The following BTBD9 variants were observed in gnomAD, a reference collection of about 807,000 sequenced individuals.
BTBD9 encodes BTB domain containing 9, also known as BTB/POZ domain-containing protein 9.
BTBD9 carries 49 observed loss-of-function variants against 64.3 expected under a neutral mutation model. That is an observed-to-expected ratio of 0.76 (90% CI 0.61 to 0.97). BTBD9 has a LOEUF of 0.97. Ranked by LOEUF, BTBD9 falls within the 50% of genes least tolerant of loss-of-function variation. BTBD9 has a pLI of 0.00. For synonymous variants in BTBD9, 260 were observed against 274.7 expected (o/e 0.95, Z 0.53); for missense variants, 598 against 762.1 (o/e 0.78, Z 2.53).
chr6:38,197,656 C>T (rs1017692036), intron 9 of BTBD9, among the ~76,000 whole-genome samples: 4 of 152,190 alleles, frequency 2.6e-5, no homozygotes, highest in East Asian at 1.9e-4. Flanking sequence ...AAGAGCATGG[C>T]ATGTGGTGAA....
chr6:38,334,361 A>C (rs900207169), intron 7 of BTBD9, among the ~76,000 whole-genome samples: 3 of 152,200 alleles, frequency 2.0e-5, no homozygotes. Context: ...CAGAAGTTCG[A>C]GACAGGCCTG....
At chr6:38,581,827 T>C (rs1776295614) in intron 4 of BTBD9, among the ~76,000 whole-genome samples, 1 of 152,196 alleles carries the variant, frequency 6.6e-6, no homozygotes, top group Non-Finnish European at 1.5e-5. Context: ...GTAAAGCATA[T>C]TATGAGCTCT....
intron 6 of BTBD9, among the ~76,000 whole-genome samples, chr6:38,574,297 T>C (rs1215913774): frequency 2.6e-5 from 4 of 152,194 alleles, no homozygotes; most frequent in Non-Finnish European, 5.9e-5. Context: ...ACAAGATAGA[T>C]GAGTGGCAAA....
intron 6 of BTBD9, among the ~76,000 whole-genome samples, chr6:38,423,082 T>C (rs577661102): frequency 6.6e-6 from 1 of 152,054 alleles, no homozygotes; most frequent in African/African-American, 2.4e-5. Flanking sequence ...ATGGCCAACA[T>C]GGTAAAACCT....
At chr6:38,298,514 T>A (rs904818545) in intron 7 of BTBD9, among the ~76,000 whole-genome samples, 4 of 152,148 alleles carry the variant, frequency 2.6e-5, no homozygotes, top group Admixed American at 6.5e-5. Context: ...ACATCTCATG[T>A]CCTCTCTTTA....
At chr6:38,191,045 T>C (rs1762055048) in intron 10 of BTBD9, among the ~76,000 whole-genome samples, 1 of 152,260 alleles carries the variant, frequency 6.6e-6, no homozygotes, top group Non-Finnish European at 1.5e-5. Flanking sequence ...TGTTACTATG[T>C]AAAAATTTCA....
At chr6:38,638,943 G>T (rs537546981) in intron 1 of BTBD9, among the ~76,000 whole-genome samples, 2 of 152,154 alleles carry the variant, frequency 1.3e-5, no homozygotes, top group Non-Finnish European at 2.9e-5. Flanking sequence ...ACCTTTACAT[G>T]CTGGGTTCTC....
At chr6:38,453,094 C>T (rs1399972140) in intron 6 of BTBD9, among the ~76,000 whole-genome samples, 4 of 152,080 alleles carry the variant, frequency 2.6e-5, no homozygotes, top group African/African-American at 9.7e-5. Flanking sequence ...CATAAGAAGA[C>T]CACAGACAAT....
intron 8 of BTBD9, among the ~76,000 whole-genome samples, chr6:38,257,488 T>G (rs186188614): frequency 6.6e-6 from 1 of 152,270 alleles, no homozygotes; most frequent in African/African-American, 2.4e-5. Flanking sequence ...TGAGCCGCTG[T>G]GCTGGTCTAA....
At chr6:38,417,800 G>A (rs60737447) in intron 6 of BTBD9, among the ~76,000 whole-genome samples, 29,598 of 142,438 alleles carry the variant, frequency 0.21, 3,321 homozygotes, top group Non-Finnish European at 0.23. Flanking sequence ...GAGAGAGAGA[G>A]AAAAAAAATA....
intron 6 of BTBD9, among the ~76,000 whole-genome samples, chr6:38,550,318 TTTTC>T (rs1562327808): frequency 9.9e-6 from 1 of 101,270 alleles, no homozygotes; most frequent in East Asian, 2.7e-4. Context: ...TCTTTTTCTT[TTTTC>T]TTTTTTTTTT....
intron 7 of BTBD9, among the ~76,000 whole-genome samples, chr6:38,303,288 C>G (rs1188771270): frequency 1.3e-5 from 2 of 152,020 alleles, no homozygotes; most frequent in East Asian, 3.9e-4. Flanking sequence ...ACTTTTAAGT[C>G]TTTAATTCAT....
intron 10 of BTBD9, among the ~76,000 whole-genome samples, chr6:38,190,734 G>A (rs980915683): frequency 7.9e-5 from 12 of 152,056 alleles, no homozygotes; most frequent in African/African-American, 2.2e-4. Context: ...CAACTTCCGA[G>A]CTCTGTAATG....
In BTBD9 at chr6:38,201,537, CA is replaced by C. The variant is rs528424630; in HGVS notation, c.1563-8941del. On this transcript the variant is annotated intron_variant, in intron 9 of 10. Coordinates refer to ENST00000481247, the MANE Select transcript of BTBD9 (RefSeq NM_001099272.2). ...CTTTTCTGTAAGAACTGGAACAAGA[CA>C]TGGATGCCCACTCTCACCACTCGTA... Among the ~76,000 whole-genome samples, 86 of 152,312 alleles carry C rather than the reference CA, an allele frequency of 5.6e-4. 1 individual carries two copies. The highest frequency in any genetic ancestry group is 1.0e-3 in the Non-Finnish European group (69 of 68,026).
intron 4 of BTBD9, 127 bp from the exon 5 acceptor site, chr6:38,580,564 T>A (rs374042383): frequency 5.1e-6 from 4 of 784,256 alleles, no homozygotes; most frequent in Non-Finnish European, 6.1e-6. Context: ...TAGACAAGTT[T>A]ATTGGATAGA....
intron 6 of BTBD9, among the ~76,000 whole-genome samples, chr6:38,491,291 T>C (rs1562257195): frequency 6.6e-6 from 1 of 152,232 alleles, no homozygotes; most frequent in African/African-American, 2.4e-5. Context: ...ATTAAGGTGC[T>C]GGCAAGAAAG....
chr6:38,475,637 TA>T (rs1237594568), intron 6 of BTBD9, among the ~76,000 whole-genome samples: 1 of 152,230 alleles, frequency 6.6e-6, no homozygotes, highest in Non-Finnish European at 1.5e-5. Flanking sequence ...TACAGGAATG[TA>T]ATATTTGTTG....
chr6:38,498,790 C>A (rs1772070502), intron 6 of BTBD9, among the ~76,000 whole-genome samples: 1 of 152,170 alleles, frequency 6.6e-6, no homozygotes, highest in Non-Finnish European at 1.5e-5. Context: ...TAACCCCCCA[C>A]GCCCCACCCC....
chr6:38,261,745 T>C (rs1252176069), intron 8 of BTBD9, among the ~76,000 whole-genome samples: 2 of 152,214 alleles, frequency 1.3e-5, no homozygotes, highest in African/African-American at 4.8e-5. Flanking sequence ...AGCCAAGTGC[T>C]CATACTGGTT....
Sources: allele counts gnomAD v4.1 joint callset (sites outside exome capture counted in the v4.1 genomes callset), GRCh38; gene constraint gnomAD v4.1.1; transcripts MANE v1.5; gene names NCBI Gene and HGNC (gene_info 2026-07-23, HGNC 2026-07-21).